PDZRN4: variants seen among roughly 807,000 people sequenced by gnomAD.
PDZRN4 encodes the protein PDZ domain containing ring finger 4.
A neutral mutation model predicts 99.0 loss-of-function variants in PDZRN4; 70 were observed. That is an observed-to-expected ratio of 0.71 (90% confidence interval 0.58 to 0.86). The LOEUF is 0.86. Ranked by LOEUF, PDZRN4 falls within the 40% of genes least tolerant of loss-of-function variation. PDZRN4 has a pLI of 0.00. For synonymous variants in PDZRN4, 551 were observed against 501.6 expected, an observed-to-expected ratio of 1.10 and a Z score of -1.32; for missense variants, 1,474 against 1,331.2, an observed-to-expected ratio of 1.11 and a Z score of -1.67.
chr12:41,231,287 G>T (rs995845865), intron 3 of PDZRN4, among the ~76,000 whole-genome samples: 25 of 151,992 alleles, frequency 1.6e-4, no homozygotes, highest in African/African-American at 5.6e-4. Flanking sequence ...TTTTATTAGA[G>T]AAAAATATAT....
intron 3 of PDZRN4, among the ~76,000 whole-genome samples, chr12:41,485,394 C>T (rs1195893130): frequency 2.6e-5 from 4 of 152,170 alleles, no homozygotes; most frequent in South Asian, 2.1e-4. Context: ...AATTCCGGTA[C>T]GGAAATGACA....
chr12:41,432,458 T>C (rs955154391), intron 3 of PDZRN4, among the ~76,000 whole-genome samples: 1 of 152,204 alleles, frequency 6.6e-6, no homozygotes, highest in African/African-American at 2.4e-5. Context: ...AACATAAATT[T>C]ATGTCAATTT....
chr12:41,300,217 T>C (rs1951525444), intron 3 of PDZRN4, among the ~76,000 whole-genome samples: 1 of 151,934 alleles, frequency 6.6e-6, no homozygotes, highest in African/African-American at 2.4e-5. Context: ...TTAATATACA[T>C]TTACTTTTGT....
At chr12:41,359,741 T>A (rs1200245355) in intron 3 of PDZRN4, among the ~76,000 whole-genome samples, 1 of 151,984 alleles carries the variant, frequency 6.6e-6, no homozygotes, top group African/African-American at 2.4e-5. Context: ...GACCTGTGAA[T>A]CAATTAAACC....
intron 3 of PDZRN4, among the ~76,000 whole-genome samples, chr12:41,203,653 G>T (rs1021781635): frequency 6.6e-6 from 1 of 151,942 alleles, no homozygotes; most frequent in African/African-American, 2.4e-5. Flanking sequence ...GAAGACTGAG[G>T]CACAGAGAGA....
At chr12:41,290,177 AT>A (rs1319560033) in intron 3 of PDZRN4, among the ~76,000 whole-genome samples, 1 of 152,238 alleles carries the variant, frequency 6.6e-6, no homozygotes, top group Non-Finnish European at 1.5e-5. Context: ...CAGATGAAAG[AT>A]GATTTAAAGT....
At chr12:41,217,888 A>G (rs1950931606) in intron 3 of PDZRN4, among the ~76,000 whole-genome samples, 1 of 152,082 alleles carries the variant, frequency 6.6e-6, no homozygotes, top group Non-Finnish European at 1.5e-5. Context: ...CTGAAGAAAT[A>G]CTGAAAAAAG....
intron 3 of PDZRN4, among the ~76,000 whole-genome samples, chr12:41,502,716 CTA>C (rs1234492977): frequency 6.6e-6 from 1 of 151,828 alleles, no homozygotes; most frequent in Non-Finnish European, 1.5e-5. Flanking sequence ...CAATTAAAAA[CTA>C]TATGTCATCC....
intron 3 of PDZRN4, among the ~76,000 whole-genome samples, chr12:41,338,893 A>G (rs532375543): frequency 2.0e-5 from 3 of 152,158 alleles, no homozygotes; most frequent in South Asian, 4.1e-4. Flanking sequence ...GATATCTACA[A>G]TGAAAACTAA....
chr12:41,517,588 GT>G (rs767712755), intron 5 of PDZRN4, among the ~76,000 whole-genome samples: 10 of 152,052 alleles, frequency 6.6e-5, no homozygotes, highest in Non-Finnish European at 1.3e-4. Context: ...GACTAGGAGT[GT>G]GGCCCCAGTT....
intron 3 of PDZRN4, among the ~76,000 whole-genome samples, chr12:41,267,594 C>G (rs1471617874): frequency 6.6e-6 from 1 of 151,590 alleles, no homozygotes; most frequent in African/African-American, 2.4e-5. Context: ...CTTTGGGAGG[C>G]CAAGGCAGGT....
rs1201281588 is a variant in PDZRN4, at chr12:41,191,814, G to C, written c.735+270G>C. On this transcript the variant is annotated intron_variant, in intron 2 of 9. Coordinates refer to ENST00000402685, the MANE Select transcript of PDZRN4 (RefSeq NM_001164595.2). Reference sequence around the variant, plus strand: ...GTTTGTTTGTTTGAGACAGAGTCTTGCTCTGTTGCCCAGGCTAGAGTGCAG... The same window carrying C: ...GTTTGTTTGTTTGAGACAGAGTCTTCCTCTGTTGCCCAGGCTAGAGTGCAG... Among the ~76,000 whole-genome samples the C allele has an allele frequency of 1.3e-5, 2 of 151,340 alleles. 1 individual carries two copies. The highest frequency in any genetic ancestry group is 1.3e-4 in the Admixed American group (2 of 15,178).
At chr12:41,219,986 C>A (rs1352620007) in intron 3 of PDZRN4, among the ~76,000 whole-genome samples, 1 of 151,978 alleles carries the variant, frequency 6.6e-6, no homozygotes, top group Non-Finnish European at 1.5e-5. Flanking sequence ...TCTGTAAAGG[C>A]AGAAAATGCA....
rs1049410982 is a variant in PDZRN4, at chr12:41,460,533, T to A, written c.844-45923T>A. ...TTCCTGTACCAATCTTCTAAGAGCC[T>A]TCTTGAAGGCAGGAGTATGGAGAAA... On this transcript the variant is annotated intron_variant, in intron 3 of 9. Transcript: ENST00000402685. Among the ~76,000 whole-genome samples the A allele has an allele frequency of 3.9e-5, 6 of 152,248 alleles. 1 individual carries two copies. The highest frequency in any genetic ancestry group is 8.8e-5 in the Non-Finnish European group (6 of 68,044).
At chr12:41,501,001 G>A (rs922388649) in intron 3 of PDZRN4, among the ~76,000 whole-genome samples, 10 of 152,150 alleles carry the variant, frequency 6.6e-5, no homozygotes, top group African/African-American at 2.2e-4. Flanking sequence ...TTACTAGTGA[G>A]GGTGGGAGAT....
chr12:41,342,833 A>G (rs1951827694), intron 3 of PDZRN4, among the ~76,000 whole-genome samples: 1 of 151,920 alleles, frequency 6.6e-6, no homozygotes, highest in Non-Finnish European at 1.5e-5. Flanking sequence ...GAACTACCAT[A>G]TGCTCCAGCA....
chr12:41,508,769 T>C (rs1316407001), intron 4 of PDZRN4, among the ~76,000 whole-genome samples: 1 of 152,126 alleles, frequency 6.6e-6, no homozygotes, highest in Non-Finnish European at 1.5e-5. Flanking sequence ...GAGGAGAGGC[T>C]GGTAGAATAT....
chr12:41,465,124 C>T (rs1052166818), intron 3 of PDZRN4, among the ~76,000 whole-genome samples: 1 of 152,074 alleles, frequency 6.6e-6, no homozygotes, highest in East Asian at 1.9e-4. Context: ...TGCACCTGTC[C>T]GCCTTTTGTA....
At position 41,345,225 on chromosome 12, in the gene PDZRN4, G is replaced by C. The variant is rs1951844959; in HGVS notation, c.843+151037G>C. On this transcript the variant is annotated intron_variant, in intron 3 of 9. Transcript: ENST00000402685. ...AGAATGTTCTCATTATGTGTGGCGA[G>C]CAGTTAGTCAGTGATTGATGCTGCA... is the stretch of plus-strand genomic sequence containing the variant. Among the ~76,000 whole-genome samples the C allele has an allele frequency of 2.0e-5, 3 of 152,342 alleles. No individual in the cohort carries two copies. The South Asian group carries it at 6.2e-4, about 32-fold the overall frequency.
Sources: gnomAD v4.1 joint callset for allele counts (sites outside exome capture counted in the v4.1 genomes callset) on GRCh38, gnomAD v4.1.1 for gene constraint, MANE v1.5 for transcripts, NCBI Gene and HGNC (gene_info 2026-07-23, HGNC 2026-07-21) for gene names.